The following DENND5B variants were observed in gnomAD, a reference collection of about 807,000 sequenced individuals.
DENND5B encodes the protein DENN domain-containing protein 5B.
DENND5B carries 34 observed loss-of-function variants against 140.6 expected under a neutral mutation model. That is an observed-to-expected ratio of 0.24 (90% CI 0.18 to 0.32). The LOEUF (loss-of-function observed/expected upper bound fraction) is 0.32. Among genes scored for constraint, DENND5B ranks in the 10% least tolerant of loss-of-function variants. The pLI is 1.00. For missense variants in DENND5B, 1,142 were observed against 1,560.2 expected (o/e 0.73, Z 4.52); for synonymous variants, 551 against 562.1 (o/e 0.98, Z 0.28).
chr12:31,433,215 G>A lies in DENND5B; in HGVS notation c.2046C>T (p.Arg682=), dbSNP rs755361201. The change falls in exon 8 of 21, where the codon CGC becomes CGT. Residue 682 remains arginine (R), a synonymous_variant. Coordinates refer to ENST00000389082, the MANE Select transcript of DENND5B (RefSeq NM_144973.4). ...RWVSRSATAQ[R]RKERLRQHSE... ...AATGCTGGCGAAGGCGTTCTTTCCT[G>A]CGCTGTGCAGTGGCACTCCGACTTA... 10 of 1,613,666 alleles carry A rather than the reference G, an allele frequency of 6.2e-6. No homozygotes were observed. The South Asian group carries it at 1.1e-4, about 18-fold the overall frequency.
chr12:31,524,976 A>G (rs963396124), intron 1 of DENND5B, among the ~76,000 whole-genome samples: 2 of 152,216 alleles, frequency 1.3e-5, no homozygotes, highest in Non-Finnish European at 2.9e-5. Flanking sequence ...TAGGCACATG[A>G]AAAGATGCAA....
chr12:31,508,307 A>G (rs925508718), intron 1 of DENND5B, among the ~76,000 whole-genome samples: 1 of 152,220 alleles, frequency 6.6e-6, no homozygotes, highest in Admixed American at 6.5e-5. Flanking sequence ...AATTTTTATA[A>G]GAAGTCAAAA....
intron 1 of DENND5B, among the ~76,000 whole-genome samples, chr12:31,508,155 T>C (rs967684216): frequency 6.6e-6 from 1 of 152,164 alleles, no homozygotes; most frequent in Non-Finnish European, 1.5e-5. Context: ...AGTAACACTA[T>C]GGAGCAACAC....
chr12:31,433,387 T>G, intron 7 of DENND5B, 139 bp from the exon 8 acceptor site: 1 of 769,550 alleles, frequency 1.3e-6, no homozygotes, highest in Non-Finnish European at 2.0e-6. Flanking sequence ...AAAATATAAT[T>G]AAAATACCAT....
rs1420484551 is a variant in DENND5B, at chr12:31,479,671, T to C, written c.822A>G (p.Ala274=). 3.8e-6 allele frequency: 6 copies of C among 1,578,358 alleles called. No individual in the cohort carries two copies. Among genetic ancestry groups the C allele is most frequent in the South Asian group, 2.4e-5 (2 of 84,986 alleles). ...LPLSDYPLRE[A]FELLGLENLV... ...GGTTCTCTAATCCCAGGAGCTCAAA[T>C]GCCTCCCGAAGGGGGTAATCAGAGA... The change falls in exon 3 of 21, where the codon GCA becomes GCG. Residue 274 remains alanine (A), a synonymous_variant. Transcript: ENST00000389082.
chr12:31,421,761 AG>A lies in DENND5B; in HGVS notation c.2470+1835del, dbSNP rs1943034856. Among the ~76,000 whole-genome samples, 8 of 152,096 alleles carry A rather than the reference AG, an allele frequency of 5.3e-5. No homozygotes were observed. In the South Asian group the frequency reaches 1.7e-3, roughly 31 times the overall value. The stretch of plus-strand genomic sequence containing the variant: ...GAAACAGGGTTTCACCATATTGACC[AG>A]GCTGGTCTTGAACTCCTGATCTCAG... On this transcript the variant is annotated intron_variant, in intron 11 of 20. Transcript: ENST00000389082.
chr12:31,578,943 C>G (rs957624634), intron 1 of DENND5B, among the ~76,000 whole-genome samples: 1 of 152,214 alleles, frequency 6.6e-6, no homozygotes, highest in Non-Finnish European at 1.5e-5. Context: ...TTATAAATCA[C>G]CAACCACAGT....
intron 7 of DENND5B, among the ~76,000 whole-genome samples, chr12:31,441,525 C>T (rs1944030582): frequency 6.7e-6 from 1 of 150,026 alleles, no homozygotes; most frequent in African/African-American, 2.5e-5. Context: ...GCTGTGTTGC[C>T]CAGGCTGGAT....
intron 2 of DENND5B, among the ~76,000 whole-genome samples, chr12:31,483,301 G>A (rs1946141052): frequency 6.6e-6 from 1 of 152,108 alleles, no homozygotes; most frequent in Non-Finnish European, 1.5e-5. Context: ...AGGCTCTGGA[G>A]GCCATTACAG....
intron 1 of DENND5B, among the ~76,000 whole-genome samples, chr12:31,581,860 C>G (rs1370073642): frequency 6.6e-6 from 1 of 152,158 alleles, no homozygotes; most frequent in Non-Finnish European, 1.5e-5. Flanking sequence ...CCAGGATGCT[C>G]AAGCCCCTTA....
At chr12:31,518,853 A>AT (rs1947777380) in intron 1 of DENND5B, among the ~76,000 whole-genome samples, 1 of 152,152 alleles carries the variant, frequency 6.6e-6, no homozygotes, top group South Asian at 2.1e-4. Flanking sequence ...GCTGGCCTAT[A>AT]TGCAAACCAA....
At chr12:31,453,497 G>C (rs4931499) in intron 4 of DENND5B, among the ~76,000 whole-genome samples, 62,216 of 152,102 alleles carry the variant, frequency 0.41, 13,256 homozygotes, top group East Asian at 0.57. Flanking sequence ...CTCTTAATCA[G>C]GACAAGGTTG....
intron 3 of DENND5B, among the ~76,000 whole-genome samples, chr12:31,467,801 T>C (rs1400782116): frequency 6.6e-6 from 1 of 152,188 alleles, no homozygotes; most frequent in Non-Finnish European, 1.5e-5. Flanking sequence ...GAGTAACTGT[T>C]CATGTTGAAA....
chr12:31,425,307 ACT>A (rs935755370), intron 9 of DENND5B, among the ~76,000 whole-genome samples: 5 of 152,150 alleles, frequency 3.3e-5, no homozygotes, highest in African/African-American at 1.2e-4. Flanking sequence ...ATAGAGCGAG[ACT>A]CTGTCTCAAA....
chr12:31,489,281 C>T (rs1690283583), intron 2 of DENND5B, among the ~76,000 whole-genome samples: 1 of 152,120 alleles, frequency 6.6e-6, no homozygotes, highest in African/African-American at 2.4e-5. Context: ...GTCTCCCTCC[C>T]TCCCTCCCCT....
chr12:31,571,759 A>G (rs962389810), intron 1 of DENND5B, among the ~76,000 whole-genome samples: 3 of 152,128 alleles, frequency 2.0e-5, no homozygotes, highest in Non-Finnish European at 2.9e-5. Context: ...CTGGGGAGCC[A>G]CCACGCCCGG....
chr12:31,520,380 C>T (rs1947831534), intron 1 of DENND5B, among the ~76,000 whole-genome samples: 1 of 152,088 alleles, frequency 6.6e-6, no homozygotes, highest in African/African-American at 2.4e-5. Flanking sequence ...TAAAATGAAA[C>T]AGCTGTTAAT....
At chr12:31,550,488 A>G (rs1185851094) in intron 1 of DENND5B, among the ~76,000 whole-genome samples, 2 of 151,950 alleles carry the variant, frequency 1.3e-5, no homozygotes, top group Admixed American at 1.3e-4. Flanking sequence ...GGTTGGTTCC[A>G]AGTCTTTGCT....
At chr12:31,491,708 T>G (rs1946534322) in intron 2 of DENND5B, among the ~76,000 whole-genome samples, 1 of 152,188 alleles carries the variant, frequency 6.6e-6, no homozygotes, top group Non-Finnish European at 1.5e-5. Flanking sequence ...AAATCTCTGA[T>G]CAGCAACTGA....
Sources: gnomAD v4.1 joint callset for allele counts (sites outside exome capture counted in the v4.1 genomes callset) on GRCh38, gnomAD v4.1.1 for gene constraint, MANE v1.5 for transcripts, NCBI Gene and HGNC (gene_info 2026-07-23, HGNC 2026-07-21) for gene names.